Variants in EXOC2 observed in about 807,000 individuals in gnomAD.
EXOC2 encodes exocyst complex component 2, also known as SEC5-like 1.
In EXOC2, 70 loss-of-function variants were observed where a neutral mutation model predicts 131.8. That is an observed-to-expected ratio of 0.53 (90% CI 0.44 to 0.65). The LOEUF (loss-of-function observed/expected upper bound fraction) is 0.65. EXOC2 is among the 30% of genes least tolerant of loss of function. The pLI, the probability that EXOC2 is intolerant of heterozygous loss-of-function variation, is 0.00. For missense variants in EXOC2, 923 were observed against 1,108.6 expected (o/e 0.83, Z 2.38); for synonymous variants, 411 against 398.4 (o/e 1.03, Z -0.38).
At chr6:492,404 TATGC>T (rs1763489599) in intron 25 of EXOC2, among the ~76,000 whole-genome samples, 1 of 152,236 alleles carries the variant, frequency 6.6e-6, no homozygotes, top group Non-Finnish European at 1.5e-5. Flanking sequence ...CGCTCCTTGG[TATGC>T]ACGCACGAGA....
chr6:599,717 T>C lies in EXOC2; in HGVS notation c.743-492A>G, dbSNP rs556143052. Among the ~76,000 whole-genome samples, 3 of 152,342 alleles carry C rather than the reference T, an allele frequency of 2.0e-5. No homozygotes were observed. In the East Asian group the frequency reaches 5.8e-4, roughly 29 times the overall value. ...AATATTTAAAACAAATTCTATTCCT[T>C]GGCAGAATTACCTCTACGTAGCAGG... is the stretch of plus-strand genomic sequence containing the variant. On this transcript the variant is annotated intron_variant, in intron 7 of 27. Transcript: ENST00000230449.
chr6:652,794 A>T (rs1054898610), intron 1 of EXOC2, among the ~76,000 whole-genome samples: 2 of 152,162 alleles, frequency 1.3e-5, no homozygotes, highest in African/African-American at 4.8e-5. Flanking sequence ...ACTTGACTAC[A>T]GTTTACCTCC....
chr6:617,821 T>C lies in EXOC2; in HGVS notation c.551A>G (p.Lys184Arg), dbSNP rs151192784. ...TCTCTTTAGGTTGGTGACTGCCATT[T>C]TGAGCTGCTCAAAACTGAAATGAAA... ...NHSNTSFEQL[K>R]MAVTNLKRQA... Residue 184 changes from lysine to arginine, a missense_variant, in exon 6 of 28, where the codon AAA becomes AGA. Transcript: ENST00000230449. The C allele has an allele frequency of 1.9e-6, 3 of 1,613,636 alleles. No homozygotes were observed. Among genetic ancestry groups the C allele is most frequent in the East Asian group, 2.2e-5 (1 of 44,886 alleles).
chr6:581,091 C>T (rs1195249345), intron 11 of EXOC2, among the ~76,000 whole-genome samples: 2 of 151,602 alleles, frequency 1.3e-5, no homozygotes, highest in Admixed American at 6.6e-5. Flanking sequence ...GTCAGGAGTT[C>T]GAGACCGGCC....
intron 4 of EXOC2, among the ~76,000 whole-genome samples, chr6:628,056 G>C (rs1761667647): frequency 6.6e-6 from 1 of 152,222 alleles, no homozygotes; most frequent in Non-Finnish European, 1.5e-5. Context: ...AAAGAATCCT[G>C]TAAGGATGAA....
At chr6:527,897 A>T (rs1765840269) in intron 23 of EXOC2, among the ~76,000 whole-genome samples, 1 of 13,360 alleles carries the variant, frequency 7.5e-5, no homozygotes, top group Non-Finnish European at 1.1e-4. Context: ...TTAACAGAAA[A>T]CTTAAATAAT....
intron 13 of EXOC2, among the ~76,000 whole-genome samples, chr6:571,116 A>G (rs2127593768): frequency 6.6e-6 from 1 of 152,350 alleles, no homozygotes; most frequent in Middle Eastern, 3.4e-3. Flanking sequence ...CATTATGTAG[A>G]CCTGCGAAAC....
chr6:637,154 T>TA (rs10712993), intron 2 of EXOC2, among the ~76,000 whole-genome samples: 1 of 151,866 alleles, frequency 6.6e-6, no homozygotes, highest in Admixed American at 6.5e-5. Context: ...CTAGAAAAGA[T>TA]AAAAAACATA....
chr6:535,661 G>C (rs1581386611), intron 22 of EXOC2, among the ~76,000 whole-genome samples: 2 of 152,244 alleles, frequency 1.3e-5, no homozygotes, highest in East Asian at 3.9e-4. Flanking sequence ...ATCCATTATA[G>C]ACAAGGACTT....
intron 21 of EXOC2, among the ~76,000 whole-genome samples, chr6:553,383 GTGTA>G (rs1403670852): frequency 2.5e-5 from 2 of 79,062 alleles, no homozygotes; most frequent in Non-Finnish European, 4.9e-5. Flanking sequence ...ACATCTGTTT[GTGTA>G]TAAGTGTGTG....
In EXOC2 at chr6:576,983, A is replaced by G. The variant is rs998805382; in HGVS notation, c.1193-101T>C. The G allele has an allele frequency of 2.2e-5, 22 of 988,648 alleles. No individual in the cohort carries two copies. The Middle Eastern group carries it at 1.2e-3, about 55-fold the overall frequency. The allele number at this position is 988,648 out of a possible 1,614,324, so 61.2% of individuals were successfully genotyped here. A position where few individuals can be genotyped will look rare whatever the true frequency, so the allele number is the denominator to read the frequency against. The stretch of plus-strand genomic sequence containing the variant: ...CTTCTCTGAGGCTATTTCTTGCTCA[A>G]TTGCTCCACTCTTAAATAAGGCATT... On this transcript the variant is annotated intron_variant, in intron 11 of 27. Coordinates refer to ENST00000230449, the MANE Select transcript of EXOC2 (RefSeq NM_018303.6).
At chr6:652,104 CA>C (rs1201098496) in intron 1 of EXOC2, among the ~76,000 whole-genome samples, 1 of 142,774 alleles carries the variant, frequency 7.0e-6, no homozygotes, top group African/African-American at 2.8e-5. Flanking sequence ...ACTCACCAAA[CA>C]AAATAATTCA....
At chr6:596,806 T>C (rs967035360) in intron 10 of EXOC2, among the ~76,000 whole-genome samples, 2 of 152,236 alleles carry the variant, frequency 1.3e-5, no homozygotes, top group Non-Finnish European at 2.9e-5. Context: ...AAATAATTTA[T>C]TCTGAGAACA....
At chr6:690,905 C>A (rs1054911605) in intron 1 of EXOC2, among the ~76,000 whole-genome samples, 1 of 152,214 alleles carries the variant, frequency 6.6e-6, no homozygotes, top group Non-Finnish European at 1.5e-5. Context: ...CATCCTAGTA[C>A]ACCGCTTAGC....
chr6:592,842 G>A (rs568529531), intron 10 of EXOC2, among the ~76,000 whole-genome samples: 4 of 152,034 alleles, frequency 2.6e-5, no homozygotes, highest in South Asian at 4.2e-4. Context: ...CCTGGCCAAC[G>A]TGCTGAAACC....
At chr6:674,625 A>G (rs538981532) in intron 1 of EXOC2, among the ~76,000 whole-genome samples, 1 of 152,208 alleles carries the variant, frequency 6.6e-6, no homozygotes, top group African/African-American at 2.4e-5. Context: ...CCTTGGCAAT[A>G]AGAAACACTA....
At chr6:526,570 A>G (rs1484347297) in intron 23 of EXOC2, among the ~76,000 whole-genome samples, 1 of 150,794 alleles carries the variant, frequency 6.6e-6, no homozygotes, top group African/African-American at 2.4e-5. Flanking sequence ...CCTTCCGAGT[A>G]GCTGGGATGA....
At chr6:576,725 A>G in intron 12 of EXOC2, 32 bp downstream of exon 12, 5 of 1,602,332 alleles carry the variant, frequency 3.1e-6, no homozygotes, top group Non-Finnish European at 3.4e-6. Flanking sequence ...ACAAATTTAA[A>G]AGACCCAGTG....
chr6:617,770 C>G lies in EXOC2; in HGVS notation c.602G>C (p.Ser201Thr), dbSNP rs1195016298. 1 of 1,613,728 alleles carries G rather than the reference C, an allele frequency of 6.2e-7. No individual in the cohort carries two copies. ...KRQANKKSEG[S>T]LAYVKGGLST... ...GAGACCGCCTTTCACATAGGCCAGG[C>G]TGCCCTCACTCTTCTTGTTAGCCTG... Residue 201 changes from serine to threonine, a missense_variant, in exon 6 of 28, where the codon AGC becomes ACC. Transcript: ENST00000230449.
Sources: allele counts gnomAD v4.1 joint callset (sites outside exome capture counted in the v4.1 genomes callset), GRCh38; gene constraint gnomAD v4.1.1; transcripts MANE v1.5; gene names NCBI Gene and HGNC (gene_info 2026-07-23, HGNC 2026-07-21).